Variants in SND1 observed in about 807,000 individuals in gnomAD.
SND1 encodes the protein staphylococcal nuclease domain-containing protein 1.
A neutral mutation model predicts 121.7 loss-of-function variants in SND1; 38 were observed. The observed-to-expected ratio is 0.31, with a 90% confidence interval of 0.24 to 0.41. The LOEUF (loss-of-function observed/expected upper bound fraction) is 0.41. Ranked by LOEUF, SND1 falls within the 10% of genes least tolerant of loss-of-function variation. The pLI is 1.00. For missense variants in SND1, 868 were observed against 1,184.6 expected (o/e 0.73, Z 3.92); for synonymous variants, 401 against 447.4 (o/e 0.90, Z 1.31).
At chr7:128,048,895 G>A (rs1792999007) in intron 16 of SND1, among the ~76,000 whole-genome samples, 3 of 152,180 alleles carry the variant, frequency 2.0e-5, no homozygotes, top group Admixed American at 2.0e-4. Flanking sequence ...GAGAGAGAAT[G>A]GTCCCTCTGG....
At chr7:128,038,725 G>T (rs1211805218) in intron 16 of SND1, among the ~76,000 whole-genome samples, 1 of 151,554 alleles carries the variant, frequency 6.6e-6, no homozygotes, top group Non-Finnish European at 1.5e-5. Context: ...TTATAGACAG[G>T]TCAAAAATAG....
intron 12 of SND1, among the ~76,000 whole-genome samples, chr7:127,857,183 CTTT>C (rs71522259): frequency 4.4e-5 from 3 of 67,940 alleles, no homozygotes; most frequent in Non-Finnish European, 8.9e-5. Flanking sequence ...AATGTCAACA[CTTT>C]TTTTTTTTTT....
intron 10 of SND1, among the ~76,000 whole-genome samples, chr7:127,745,955 T>G (rs954770295): frequency 1.2e-4 from 18 of 152,240 alleles, no homozygotes; most frequent in Admixed American, 1.2e-3. Context: ...CCTGGTTGCT[T>G]ACACTGCTTA....
At chr7:127,892,371 T>C (rs1159060679) in intron 13 of SND1, among the ~76,000 whole-genome samples, 3 of 152,130 alleles carry the variant, frequency 2.0e-5, no homozygotes, top group Non-Finnish European at 4.4e-5. Flanking sequence ...ATTTGCAGTT[T>C]GCCTGTTGCT....
chr7:128,074,523 A>C lies in SND1; in HGVS notation c.1801A>C (p.Met601Leu), dbSNP rs767930512. ...QREVEVEVESMDKAGNFIGWL... is the reference protein window; with the variant it reads ...QREVEVEVESLDKAGNFIGWL... ...CCAGGTGGAGGTGGAGGTGGAGAGC[A>C]TGGACAAGGCCGGCAACTTTATCGG... The change falls in exon 17 of 24, where the codon ATG becomes CTG. Residue 601 changes from methionine (M) to leucine (L), a missense_variant. Coordinates refer to ENST00000354725, the MANE Select transcript of SND1 (RefSeq NM_014390.4). 4.3e-6 allele frequency: 7 copies of C among 1,613,122 alleles called. No individual in the cohort carries two copies. Among genetic ancestry groups the C allele is most frequent in the Non-Finnish European group, 5.9e-6 (7 of 1,179,358 alleles).
intron 9 of SND1, among the ~76,000 whole-genome samples, chr7:127,708,378 C>T (rs565155994): frequency 1.3e-4 from 19 of 147,780 alleles, no homozygotes; most frequent in Non-Finnish European, 1.8e-4. Context: ...TTCCTTTCTT[C>T]CTTCCTTCCT....
At chr7:127,951,352 C>T (rs192891237) in intron 15 of SND1, among the ~76,000 whole-genome samples, 20 of 152,162 alleles carry the variant, frequency 1.3e-4, no homozygotes, top group Admixed American at 3.3e-4. Flanking sequence ...TCCAGTTACG[C>T]GAGGTAACTA....
At chr7:127,891,735 C>A (rs1159247264) in intron 13 of SND1, among the ~76,000 whole-genome samples, 2 of 152,066 alleles carry the variant, frequency 1.3e-5, no homozygotes, top group Non-Finnish European at 2.9e-5. Flanking sequence ...GTGTTGACCC[C>A]AAGTCTCTCA....
rs1336771299 is a variant in SND1 at position 127,920,301 on chromosome 7, T to C, written c.1528-8887T>C. Among the ~76,000 whole-genome samples, 5 of 152,146 alleles carry C rather than the reference T, an allele frequency of 3.3e-5. No homozygotes were observed. In the East Asian group the frequency reaches 9.6e-4, roughly 29 times the overall value. On this transcript the variant is annotated intron_variant, in intron 14 of 23. Transcript: ENST00000354725. ...ACAAAAATGAAGGGAAATAAACCAA[T>C]AAAGCAGAAGGCATGGATTGAGGAA...
intron 2 of SND1, 36 bp downstream of exon 2, chr7:127,686,798 C>G: frequency 1.3e-6 from 2 of 1,595,198 alleles, no homozygotes; most frequent in East Asian, 4.5e-5. Flanking sequence ...AGCCTGTGGA[C>G]CTAGGTAATA....
chr7:127,844,329 T>C lies in SND1; in HGVS notation c.1248T>C (p.Asn416=). Residue 416 remains asparagine, a synonymous_variant, in exon 12 of 24, where the codon AAT becomes AAC. Coordinates refer to ENST00000354725, the MANE Select transcript of SND1 (RefSeq NM_014390.4). ...LRKKLIGKKV[N]VTVDYIRPAS... is the part of the protein sequence containing the mutation. ...CCTTGATTCTTTGTTTCCAGGTCAA[T>C]GTGACGGTGGACTACATTAGACCAG... 1 of 1,612,800 alleles carries C rather than the reference T, an allele frequency of 6.2e-7. No homozygotes were observed. Among genetic ancestry groups the C allele is most frequent in the Non-Finnish European group, 8.5e-7 (1 of 1,179,296 alleles).
chr7:127,732,713 C>T (rs1796701742), intron 10 of SND1, among the ~76,000 whole-genome samples: 1 of 152,210 alleles, frequency 6.6e-6, no homozygotes, highest in African/African-American at 2.4e-5. Context: ...TACATTTGTA[C>T]AGTTTAAGCA....
At chr7:128,020,077 G>A (rs139093836) in intron 16 of SND1, among the ~76,000 whole-genome samples, 4 of 152,358 alleles carry the variant, frequency 2.6e-5, no homozygotes, top group Non-Finnish European at 4.4e-5. Flanking sequence ...CTCTTGTAGA[G>A]AGAAGGGGAA....
At chr7:128,072,499 A>C (rs369383760) in intron 16 of SND1, among the ~76,000 whole-genome samples, 1 of 152,222 alleles carries the variant, frequency 6.6e-6, no homozygotes, top group Non-Finnish European at 1.5e-5. Context: ...CCCTAAACAC[A>C]AGGCAAGCAA....
chr7:127,848,099 T>C (rs1210279656), intron 12 of SND1, among the ~76,000 whole-genome samples: 1 of 152,178 alleles, frequency 6.6e-6, no homozygotes, highest in African/African-American at 2.4e-5. Context: ...TGGTTCTGAG[T>C]GTTATAGGAA....
At chr7:127,736,044 TAG>T (rs1796771274) in intron 10 of SND1, among the ~76,000 whole-genome samples, 1 of 152,218 alleles carries the variant, frequency 6.6e-6, no homozygotes, top group African/African-American at 2.4e-5. Context: ...CCCTTTTTAA[TAG>T]AGTCTCAATA....
chr7:127,723,791 T>G (rs936819308), intron 10 of SND1, among the ~76,000 whole-genome samples: 4 of 152,238 alleles, frequency 2.6e-5, no homozygotes, highest in East Asian at 1.9e-4. Context: ...TATTTTAAAT[T>G]ATCATATAAC....
intron 10 of SND1, among the ~76,000 whole-genome samples, chr7:127,786,929 A>G (rs12539728): frequency 0.33 from 49,891 of 152,208 alleles, 9,104 homozygotes; most frequent in Admixed American, 0.42. Flanking sequence ...GGCGTGAGCC[A>G]CCGCGCCCGG....
intron 16 of SND1, among the ~76,000 whole-genome samples, chr7:128,050,210 G>A (rs568954643): frequency 9.5e-4 from 145 of 152,278 alleles, no homozygotes; most frequent in African/African-American, 3.4e-3. Flanking sequence ...CATGTGGATG[G>A]TTTTTCTGTT....
Sources: gnomAD v4.1 joint callset for allele counts (sites outside exome capture counted in the v4.1 genomes callset) on GRCh38, gnomAD v4.1.1 for gene constraint, MANE v1.5 for transcripts, NCBI Gene and HGNC (gene_info 2026-07-23, HGNC 2026-07-21) for gene names.